The following TEX9 variants were observed in gnomAD, a reference collection of about 807,000 sequenced individuals.
TEX9 encodes testis-expressed protein 9.
TEX9 carries 74 observed loss-of-function variants against 59.6 expected under a neutral mutation model. That is an observed-to-expected ratio of 1.24 (90% CI 1.03 to 1.51). The LOEUF is 1.51. TEX9 is among the 40% of genes most tolerant of loss of function. The pLI is 0.00. For synonymous variants in TEX9, 186 were observed against 152.2 expected, an observed-to-expected ratio of 1.22 and a Z score of -1.64; for missense variants, 522 against 447.8, an observed-to-expected ratio of 1.17 and a Z score of -1.49.
Position 56,277,101 on chromosome 15 carries a change from T to C in TEX9, c.-107+32823T>C, listed in dbSNP as rs374092611. On this transcript the variant is annotated intron_variant, in intron 1 of 5. Transcript: ENST00000560827. ...TCAGATGGATAGATTGCAACAATTTTCTCCCATTCTGTAGGTTGCCTGTTC... is the reference window on the plus strand; with the variant it reads ...TCAGATGGATAGATTGCAACAATTTCCTCCCATTCTGTAGGTTGCCTGTTC... Among the ~76,000 whole-genome samples the C allele has an allele frequency of 3.3e-5, 5 of 152,328 alleles. No individual in the cohort carries two copies. In the East Asian group the frequency reaches 9.6e-4, roughly 29 times the overall value.
At chr15:56,410,492 A>G (rs1173274850) in intron 9 of TEX9, among the ~76,000 whole-genome samples, 22 of 152,170 alleles carry the variant, frequency 1.4e-4, no homozygotes, top group South Asian at 2.1e-4. Context: ...ACTAATGTGC[A>G]ACTCAGGACT....
chr15:56,418,246 C>T (rs2049795994), intron 10 of TEX9, among the ~76,000 whole-genome samples: 1 of 151,700 alleles, frequency 6.6e-6, no homozygotes, highest in Non-Finnish European at 1.5e-5. Flanking sequence ...ATTAGGTTGA[C>T]TTGTTTGTGT....
chr15:56,428,116 C>A (rs1322081087), intron 11 of TEX9, among the ~76,000 whole-genome samples: 1 of 152,038 alleles, frequency 6.6e-6, no homozygotes, highest in Non-Finnish European at 1.5e-5. Flanking sequence ...AGTTCTGACA[C>A]TTTCCTTCTT....
chr15:56,443,472 T>C (rs1408358558), intron 12 of TEX9: 1 of 1,599,610 alleles, frequency 6.3e-7, no homozygotes, highest in East Asian at 2.2e-5. Context: ...CTTCCTGGTA[T>C]AATTCTTGTC....
At chr15:56,369,951 C>T (rs1567103204) in intron 2 of TEX9, among the ~76,000 whole-genome samples, 1 of 142,496 alleles carries the variant, frequency 7.0e-6, no homozygotes, top group Non-Finnish European at 1.5e-5. Flanking sequence ...TTTAAATCTT[C>T]TTGATTCATT....
chr15:56,436,464 G>C (rs1436225461), intron 12 of TEX9, among the ~76,000 whole-genome samples: 2 of 152,294 alleles, frequency 1.3e-5, no homozygotes, highest in African/African-American at 4.8e-5. Context: ...GCAGTGTGTA[G>C]AGGGAAATTT....
chr15:56,264,714 C>T (rs1344235019), intron 1 of TEX9, among the ~76,000 whole-genome samples: 1 of 152,196 alleles, frequency 6.6e-6, no homozygotes, highest in Non-Finnish European at 1.5e-5. Context: ...CATTATACTG[C>T]AGTAGTTTTA....
chr15:56,326,026 C>T (rs558032785), intron 1 of TEX9, among the ~76,000 whole-genome samples: 7 of 152,202 alleles, frequency 4.6e-5, no homozygotes, highest in African/African-American at 1.7e-4. Flanking sequence ...CTTTGGTAGC[C>T]AGATAGTTTG....
intron 12 of TEX9, among the ~76,000 whole-genome samples, chr15:56,442,378 G>T (rs2050830280): frequency 6.6e-6 from 1 of 152,030 alleles, no homozygotes; most frequent in Non-Finnish European, 1.5e-5. Context: ...ATACCCAATG[G>T]GATTGCTGGG....
chr15:56,380,487 T>C (rs2047676452), intron 3 of TEX9, among the ~76,000 whole-genome samples: 1 of 152,220 alleles, frequency 6.6e-6, no homozygotes, highest in Non-Finnish European at 1.5e-5. Context: ...TGTTTTTCTG[T>C]ATGTTTACTA....
chr15:56,449,207 G>A (rs184859530), downstream of TEX9, among the ~76,000 whole-genome samples: 120 of 152,176 alleles, frequency 7.9e-4, no homozygotes, highest in Middle Eastern at 3.4e-3. Context: ...ATGACTAAAA[G>A]CTGTCAGAGC....
chr15:56,453,379 TTTTG>T, the TEX9 span, among the ~76,000 whole-genome samples: 2 of 152,178 alleles, frequency 1.3e-5, no homozygotes, highest in Non-Finnish European at 2.9e-5. Context: ...AATCTTCTGT[TTTTG>T]TTTCTCAGAA....
chr15:56,309,011 T>G (rs2045544415), intron 1 of TEX9, among the ~76,000 whole-genome samples: 1 of 152,210 alleles, frequency 6.6e-6, no homozygotes, highest in Admixed American at 6.5e-5. Flanking sequence ...TTTTCAAGAT[T>G]ATTTTGATTA....
At chr15:56,359,697 C>T (rs1293830192) in intron 1 of TEX9, among the ~76,000 whole-genome samples, 1 of 152,034 alleles carries the variant, frequency 6.6e-6, no homozygotes, top group Non-Finnish European at 1.5e-5. Context: ...CATCTATACA[C>T]AAAGATGGTT....
intron 1 of TEX9, among the ~76,000 whole-genome samples, chr15:56,264,440 C>G (rs1407424849): frequency 6.6e-6 from 1 of 152,104 alleles, no homozygotes; most frequent in Non-Finnish European, 1.5e-5. Flanking sequence ...TTGATTTCTT[C>G]ATATTGAGTT....
the TEX9 span, among the ~76,000 whole-genome samples, chr15:56,458,708 G>A: frequency 6.6e-6 from 1 of 152,060 alleles, no homozygotes. Flanking sequence ...TATACAGAAT[G>A]GAGCCTTTTT....
the TEX9 span, among the ~76,000 whole-genome samples, chr15:56,457,129 C>G: frequency 6.6e-6 from 1 of 152,094 alleles, no homozygotes; most frequent in Non-Finnish European, 1.5e-5. Flanking sequence ...TAACAATCAC[C>G]TCTACACACA....
chr15:56,269,004 C>A (rs943632992), intron 1 of TEX9, among the ~76,000 whole-genome samples: 1 of 152,002 alleles, frequency 6.6e-6, no homozygotes, highest in Non-Finnish European at 1.5e-5. Context: ...AATTTCAGAT[C>A]CTGTTATTGG....
At chr15:56,438,019 T>C (rs1087765) in intron 12 of TEX9, among the ~76,000 whole-genome samples, 4,789 of 152,128 alleles carry the variant, frequency 0.031, 188 homozygotes, top group East Asian at 0.093. Context: ...AGAATCAATA[T>C]CGTGAAAATG....
Sources: gnomAD v4.1 joint callset for allele counts (sites outside exome capture counted in the v4.1 genomes callset) on GRCh38, gnomAD v4.1.1 for gene constraint, MANE v1.5 for transcripts, NCBI Gene and HGNC (gene_info 2026-07-23, HGNC 2026-07-21) for gene names.